CAB39: variants seen among roughly 807,000 people sequenced by gnomAD.
CAB39 encodes the protein calcium-binding protein 39.
Under a neutral mutation model 40.0 loss-of-function variants are expected in CAB39, and 8 were observed. The ratio of observed to expected loss-of-function variants is 0.20; its 90% CI spans 0.12 to 0.36. The LOEUF is 0.36. Ranked by LOEUF, CAB39 falls within the 10% of genes least tolerant of loss-of-function variation. CAB39 has a pLI of 1.00. For synonymous variants in CAB39, 156 were observed against 141.6 expected (o/e 1.10, Z -0.72); for missense variants, 270 against 401.1 (o/e 0.67, Z 2.79).
chr2:230,728,239 A>AAAATAAATAAATAAATAAAT (rs78505542), intron 1 of CAB39, among the ~76,000 whole-genome samples: 14 of 151,928 alleles, frequency 9.2e-5, no homozygotes, highest in African/African-American at 3.4e-4. Context: ...CTCCGTCTCA[A>AAAATAAATAAATAAATAAAT]AAATAAATAA....
intron 5 of CAB39, among the ~76,000 whole-genome samples, chr2:230,801,880 A>T (rs1696096195): frequency 6.6e-6 from 1 of 151,812 alleles, no homozygotes; most frequent in African/African-American, 2.4e-5. Flanking sequence ...AAAAAAAAAA[A>T]TGCTCTAAAT....
intron 1 of CAB39, among the ~76,000 whole-genome samples, chr2:230,729,506 CT>C (rs1694648422): frequency 6.6e-6 from 1 of 152,140 alleles, no homozygotes; most frequent in South Asian, 2.1e-4. Context: ...ATCCCCAGCA[CT>C]TTGGGAGGCT....
At chr2:230,733,078 A>G (rs1449124516) in intron 1 of CAB39, among the ~76,000 whole-genome samples, 2 of 152,188 alleles carry the variant, frequency 1.3e-5, no homozygotes, top group Non-Finnish European at 2.9e-5. Flanking sequence ...TGCTAGATTG[A>G]GAAATGGACA....
chr2:230,768,476 A>G (rs1360368611), intron 2 of CAB39, among the ~76,000 whole-genome samples: 1 of 152,198 alleles, frequency 6.6e-6, no homozygotes, highest in East Asian at 1.9e-4. Context: ...GATGGATGTG[A>G]TGATTGAGTC....
rs1280309408 is a variant in CAB39, at chr2:230,801,904, A to T, written c.567+3007A>T. 3.9e-5 allele frequency among the ~76,000 whole-genome samples: 6 copies of T among 152,044 alleles called. No homozygotes were observed. In the East Asian group the frequency reaches 1.2e-3, roughly 29 times the overall value. On this transcript the variant is annotated intron_variant, in intron 5 of 8. Transcript: ENST00000258418. ...AATGCTCTAAATATGTCCAAAATTC[A>T]TAGCTTGAATAAATGGATGCTCAGA...
At chr2:230,773,314 A>ATATGTGTGTGTGTGTGTGTGTG (rs371297550) in intron 2 of CAB39, among the ~76,000 whole-genome samples, 1 of 132,682 alleles carries the variant, frequency 7.5e-6, no homozygotes, top group African/African-American at 3.1e-5. Flanking sequence ...ATATATATAT[A>ATATGTGTGTGTGTGTGTGTGTG]TGTGTGTGTG....
At chr2:230,769,903 G>A (rs2124930029) in intron 2 of CAB39, among the ~76,000 whole-genome samples, 1 of 151,970 alleles carries the variant, frequency 6.6e-6, no homozygotes, top group Non-Finnish European at 1.5e-5. Flanking sequence ...GCTGCAGTGA[G>A]CTGAGATCAC....
intron 2 of CAB39, among the ~76,000 whole-genome samples, chr2:230,780,797 T>G (rs1367348616): frequency 6.6e-6 from 1 of 152,202 alleles, no homozygotes; most frequent in Non-Finnish European, 1.5e-5. Flanking sequence ...AATAAGTATC[T>G]TGGAGCCAGG....
chr2:230,773,768 G>A (rs58181266), intron 2 of CAB39, among the ~76,000 whole-genome samples: 22,631 of 152,016 alleles, frequency 0.15, 2,509 homozygotes, highest in African/African-American at 0.32. Context: ...AAAAGGATTC[G>A]AACTGATCGT....
chr2:230,759,486 A>G (rs1695251807), intron 1 of CAB39, among the ~76,000 whole-genome samples: 1 of 152,256 alleles, frequency 6.6e-6, no homozygotes, highest in Admixed American at 6.5e-5. Context: ...CTTTGGATCA[A>G]GACAGATCTG....
chr2:230,782,773 A>G (rs1275818351), intron 2 of CAB39, among the ~76,000 whole-genome samples: 2 of 147,952 alleles, frequency 1.4e-5, no homozygotes, highest in African/African-American at 2.6e-5. Flanking sequence ...TTCCTCCAAC[A>G]TTGAAACAGA....
In CAB39 at chr2:230,781,472, G is replaced by A. The variant is rs532003141; in HGVS notation, c.115-9400G>A. ...AGTGCTCAGAAATTTGGGAGCTCAA[G>A]TAGAGAAAGATTTGAATAAAGCACA... On this transcript the variant is annotated intron_variant, in intron 2 of 8. Coordinates refer to ENST00000258418, the MANE Select transcript of CAB39 (RefSeq NM_016289.4). Among the ~76,000 whole-genome samples, 16 of 152,322 alleles carry A rather than the reference G, an allele frequency of 1.1e-4. No individual in the cohort carries two copies. The South Asian group carries it at 3.3e-3, about 32-fold the overall frequency.
chr2:230,780,454 C>G (rs972121718), intron 2 of CAB39, among the ~76,000 whole-genome samples: 1 of 152,188 alleles, frequency 6.6e-6, no homozygotes, highest in Non-Finnish European at 1.5e-5. Context: ...CAGGATCACA[C>G]GTTACATGTA....
At chr2:230,775,374 T>C (rs1326447774) in intron 2 of CAB39, among the ~76,000 whole-genome samples, 1 of 151,952 alleles carries the variant, frequency 6.6e-6, no homozygotes, top group African/African-American at 2.4e-5. Context: ...TTGCTGGGAT[T>C]ACAGGCATGC....
At chr2:230,782,848 T>G (rs1284283269) in intron 2 of CAB39, among the ~76,000 whole-genome samples, 1 of 135,326 alleles carries the variant, frequency 7.4e-6, no homozygotes, top group Non-Finnish European at 1.6e-5. Flanking sequence ...GAAGGGAGTC[T>G]CCCTCTCTGT....
At chr2:230,750,267 C>T (rs1028915697) in intron 1 of CAB39, among the ~76,000 whole-genome samples, 5 of 152,156 alleles carry the variant, frequency 3.3e-5, no homozygotes, top group Non-Finnish European at 7.3e-5. Flanking sequence ...ATGCCTTTCT[C>T]CCAGGATTGA....
chr2:230,757,486 A>G (rs957496292), intron 1 of CAB39, among the ~76,000 whole-genome samples: 15 of 152,150 alleles, frequency 9.9e-5, no homozygotes, highest in African/African-American at 3.6e-4. Context: ...TGATTATGTC[A>G]TGCCTCCCCT....
intron 2 of CAB39, among the ~76,000 whole-genome samples, chr2:230,762,110 A>G (rs908745989): frequency 2.6e-5 from 4 of 151,916 alleles, no homozygotes; most frequent in Non-Finnish European, 5.9e-5. Context: ...GTTTCACTAT[A>G]TTGGTCAGGC....
intron 1 of CAB39, among the ~76,000 whole-genome samples, chr2:230,720,812 A>G (rs1694436902): frequency 6.6e-6 from 1 of 152,206 alleles, no homozygotes; most frequent in South Asian, 2.1e-4. Flanking sequence ...ATGGCATATC[A>G]TCAGCCAGCC....
Sources: allele counts gnomAD v4.1 joint callset (sites outside exome capture counted in the v4.1 genomes callset), GRCh38; gene constraint gnomAD v4.1.1; transcripts MANE v1.5; gene names NCBI Gene and HGNC (gene_info 2026-07-23, HGNC 2026-07-21).